Variants in RAI1 observed in about 807,000 individuals in gnomAD.
RAI1 encodes retinoic acid induced 1.
RAI1 carries 9 observed loss-of-function variants against 123.8 expected under a neutral mutation model. That is an observed-to-expected ratio of 0.07 (90% CI 0.04 to 0.13). The LOEUF (loss-of-function observed/expected upper bound fraction) is 0.13, where lower values mean the gene tolerates loss of function less well. RAI1 is among the 10% of genes least tolerant of loss of function. The pLI is 1.00. For missense variants in RAI1, 2,256 were observed against 2,545.8 expected, an observed-to-expected ratio of 0.89 and a Z score of 2.45; for synonymous variants, 1,231 against 1,127.3, an observed-to-expected ratio of 1.09 and a Z score of -1.84.
chr17:17,792,451 T>C (rs2032050764), intron 2 of RAI1, among the ~76,000 whole-genome samples: 1 of 152,042 alleles, frequency 6.6e-6, no homozygotes, highest in Non-Finnish European at 1.5e-5. Context: ...GCGAAGGGAC[T>C]AAATTACAGG....
rs769515020 is a variant in RAI1 at position 17,794,613 on chromosome 17, C to T, written c.1665C>T (p.Thr555=). 5 of 1,613,204 alleles carry T rather than the reference C, an allele frequency of 3.1e-6. No individual in the cohort carries two copies. Among genetic ancestry groups the T allele is most frequent in the Admixed American group, 1.7e-5 (1 of 60,032 alleles). The stretch of plus-strand genomic sequence containing the variant: ...AGGCCAAGCCCGAGTCCGTGTCCAC[C>T]TGTTCTGTGACCTCTCCTGACGACA... ...NSKAKPESVS[T]CSVTSPDDMS... Residue 555 remains threonine (T), a synonymous_variant, in exon 3 of 6, where the codon ACC becomes ACT. Transcript: ENST00000353383.
chr17:17,782,598 A>G (rs1176245355), intron 2 of RAI1, among the ~76,000 whole-genome samples: 2 of 133,834 alleles, frequency 1.5e-5, no homozygotes, highest in East Asian at 5.4e-4. Context: ...ACGAGCGTTA[A>G]TAGGTTTGAG....
chr17:17,775,188 A>C (rs1011696336), intron 2 of RAI1, among the ~76,000 whole-genome samples: 1 of 150,932 alleles, frequency 6.6e-6, no homozygotes, highest in African/African-American at 2.4e-5. Context: ...ACACAGCTGA[A>C]AATTCATGTG....
intron 1 of RAI1, among the ~76,000 whole-genome samples, chr17:17,706,802 GA>G (rs1023517624): frequency 1.3e-5 from 2 of 152,152 alleles, no homozygotes; most frequent in Non-Finnish European, 2.9e-5. Flanking sequence ...GGGCTCAGGG[GA>G]AAAAAAGAAT....
chr17:17,794,926 C>T lies in RAI1; in HGVS notation c.1978C>T (p.Arg660Trp), dbSNP rs368153754. The T allele has an allele frequency of 5.0e-6, 8 of 1,613,520 alleles. No individual in the cohort carries two copies. The highest frequency in any genetic ancestry group is 3.3e-5 in the South Asian group (3 of 91,088). The change falls in exon 3 of 6, where the codon CGG becomes TGG. Residue 660 changes from arginine (R) to tryptophan (W), a missense_variant. This residue lies in a region of RAI1 where 566 missense variants were observed against 616.0 expected (regional missense o/e 0.92). Coordinates refer to ENST00000353383, the MANE Select transcript of RAI1 (RefSeq NM_030665.4). ...LDSVAKSAWP[R>W]PGEPEALPDS... ...CTCTGTGGCCAAGAGTGCGTGGCCC[C>T]GGCCTGGGGAGCCGGAGGCCCTGCC...
At chr17:17,743,439 G>A (rs965821254) in intron 2 of RAI1, among the ~76,000 whole-genome samples, 10 of 152,254 alleles carry the variant, frequency 6.6e-5, no homozygotes, top group African/African-American at 1.9e-4. Context: ...GGCCCCCAGG[G>A]CGCAGGAACA....
chr17:17,694,315 G>T (rs1408235931), intron 1 of RAI1, among the ~76,000 whole-genome samples: 2 of 152,186 alleles, frequency 1.3e-5, no homozygotes, highest in Non-Finnish European at 2.9e-5. Flanking sequence ...CCTCGTCGCG[G>T]TGGAGACGCA....
chr17:17,784,097 T>C (rs1268568176), intron 2 of RAI1, among the ~76,000 whole-genome samples: 2 of 152,170 alleles, frequency 1.3e-5, no homozygotes, highest in South Asian at 4.1e-4. Context: ...AAGCGTTTCT[T>C]TAAACGCCGC....
intron 1 of RAI1, among the ~76,000 whole-genome samples, chr17:17,692,216 T>C (rs916370662): frequency 4.6e-5 from 7 of 152,208 alleles, no homozygotes; most frequent in African/African-American, 1.7e-4. Flanking sequence ...GAGCTGAACT[T>C]GACAGCCCTT....
At chr17:17,732,002 T>TG (rs897131152) in intron 2 of RAI1, among the ~76,000 whole-genome samples, 2 of 149,048 alleles carry the variant, frequency 1.3e-5, no homozygotes, top group African/African-American at 2.5e-5. Context: ...GAGGTGGTGG[T>TG]GGGGGGAATA....
At chr17:17,752,371 C>A (rs996951310) in intron 2 of RAI1, among the ~76,000 whole-genome samples, 2 of 152,074 alleles carry the variant, frequency 1.3e-5, no homozygotes, top group Non-Finnish European at 2.9e-5. Flanking sequence ...CGGGGCTGAC[C>A]TGTGGGCGGG....
At chr17:17,734,207 G>A (rs1916352702) in intron 2 of RAI1, among the ~76,000 whole-genome samples, 1 of 152,168 alleles carries the variant, frequency 6.6e-6, no homozygotes, top group Non-Finnish European at 1.5e-5. Flanking sequence ...GCATGTTCAA[G>A]TGCTGTTCAC....
At chr17:17,689,666 G>A (rs1598012761) in intron 1 of RAI1, among the ~76,000 whole-genome samples, 1 of 152,252 alleles carries the variant, frequency 6.6e-6, no homozygotes, top group Non-Finnish European at 1.5e-5. Flanking sequence ...TCAGATCCAG[G>A]GTCTACCACT....
At chr17:17,789,638 C>T (rs1438558943) in intron 2 of RAI1, among the ~76,000 whole-genome samples, 1 of 152,164 alleles carries the variant, frequency 6.6e-6, no homozygotes, top group Non-Finnish European at 1.5e-5. Flanking sequence ...CCTGGCCTGC[C>T]TCCTCTGTCC....
intron 2 of RAI1, among the ~76,000 whole-genome samples, chr17:17,763,144 G>C (rs954620712): frequency 6.6e-6 from 1 of 152,042 alleles, no homozygotes; most frequent in African/African-American, 2.4e-5. Flanking sequence ...ATCCTTCCCT[G>C]CATCCCCCCG....
Position 17,796,829 on chromosome 17 carries a change from C to G in RAI1, c.3881C>G (p.Pro1294Arg). The G allele has an allele frequency of 6.2e-7, 1 of 1,611,198 alleles. No homozygotes were observed. The highest frequency in any genetic ancestry group is 1.3e-5 in the African/African-American group (1 of 75,002). Residue 1294 changes from proline (P) to arginine (R), a missense_variant, in exon 3 of 6, where the codon CCC becomes CGC. By Grantham distance (103) the Pro-to-Arg change is moderately radical. Coordinates refer to ENST00000353383, the MANE Select transcript of RAI1 (RefSeq NM_030665.4). This position sits in a 1 kb window ranked among gnomAD's most constrained non-coding sequence, Gnocchi z 5.8. ...GNGEPATKLP[P>R]PETPDACLKL... ...GGCGAGCCTGCCACAAAGCTCCCACCCCCGGAGACCCCCGATGCCTGCCTC... is the reference window on the plus strand; with the variant it reads ...GGCGAGCCTGCCACAAAGCTCCCACGCCCGGAGACCCCCGATGCCTGCCTC...
At chr17:17,748,926 T>C (rs769203109) in intron 2 of RAI1, among the ~76,000 whole-genome samples, 2 of 152,158 alleles carry the variant, frequency 1.3e-5, no homozygotes, top group Non-Finnish European at 2.9e-5. Context: ...CTGTGCCCTT[T>C]TTGGCACCTG....
At chr17:17,777,165 A>C (rs930800660) in intron 2 of RAI1, 6 of 152,124 alleles carry the variant, frequency 3.9e-5, no homozygotes, top group Non-Finnish European at 7.3e-5. Flanking sequence ...TGTGCAGATG[A>C]CTTCGGGCCC....
intron 2 of RAI1, among the ~76,000 whole-genome samples, chr17:17,774,901 C>T (rs550929745): frequency 2.3e-4 from 35 of 152,166 alleles, no homozygotes; most frequent in Non-Finnish European, 4.1e-4. Flanking sequence ...GAGTTGCCTG[C>T]CCAAGCCCCC....
Sources: allele counts gnomAD v4.1 joint callset (sites outside exome capture counted in the v4.1 genomes callset), GRCh38; gene constraint gnomAD v4.1.1; regional missense constraint gnomAD v4.1.1; non-coding constraint Gnocchi (gnomAD v3.1); transcripts MANE v1.5; gene names NCBI Gene and HGNC (gene_info 2026-07-23, HGNC 2026-07-21).